Variants in ABHD12 observed in about 807,000 individuals in gnomAD.
ABHD12 encodes lysophosphatidylserine lipase ABHD12.
ABHD12 carries 43 observed loss-of-function variants against 58.3 expected under a neutral mutation model. The observed-to-expected ratio is 0.74, with a 90% CI of 0.58 to 0.95. ABHD12 has a LOEUF of 0.95. Among genes scored for constraint, ABHD12 ranks in the 40% least tolerant of loss-of-function variants. The pLI, the probability that ABHD12 is intolerant of heterozygous loss-of-function variation, is 0.00. For missense variants in ABHD12, 539 were observed against 537.2 expected, an observed-to-expected ratio of 1.00 and a Z score of -0.03; for synonymous variants, 219 against 211.2, an observed-to-expected ratio of 1.04 and a Z score of -0.32.
intron 2 of ABHD12, among the ~76,000 whole-genome samples, chr20:25,335,427 T>C (rs1229066781): frequency 6.7e-6 from 1 of 148,344 alleles, no homozygotes; most frequent in African/African-American, 2.5e-5. Context: ...GAACTAGAAA[T>C]ACCATTTGAC....
downstream of ABHD12, among the ~76,000 whole-genome samples, chr20:25,298,918 T>C (rs1568706250): frequency 1.3e-5 from 2 of 152,114 alleles, no homozygotes; most frequent in African/African-American, 4.8e-5. Context: ...GGCACCAAGG[T>C]GGTGCCCTGG....
intron 1 of ABHD12, among the ~76,000 whole-genome samples, chr20:25,380,465 AC>A (rs2090009652): frequency 6.6e-6 from 1 of 151,622 alleles, no homozygotes; most frequent in South Asian, 2.1e-4. Context: ...AAGAAAACTC[AC>A]CCCCTCCAGC....
chr20:25,373,491 G>A lies in ABHD12; in HGVS notation c.191+17022C>T, dbSNP rs574476797. Reference sequence around the variant, plus strand: ...GAATCCGGAAGATGAAGGTTGCAGTGAGCAGAGATTGTGCCACTGTGCTCC... The same window carrying A: ...GAATCCGGAAGATGAAGGTTGCAGTAAGCAGAGATTGTGCCACTGTGCTCC... On this transcript the variant is annotated intron_variant, in intron 1 of 12. Coordinates refer to ENST00000339157, the MANE Select transcript of ABHD12 (RefSeq NM_001042472.3). Among the ~76,000 whole-genome samples, 10 of 151,982 alleles carry A rather than the reference G, an allele frequency of 6.6e-5. No individual in the cohort carries two copies. In the East Asian group the frequency reaches 1.7e-3, roughly 26 times the overall value.
chr20:25,334,088 C>T (rs1205651587), intron 2 of ABHD12, among the ~76,000 whole-genome samples: 3 of 151,852 alleles, frequency 2.0e-5, no homozygotes, highest in Non-Finnish European at 4.4e-5. Flanking sequence ...TCTCCTTAAG[C>T]TGATAAGCAA....
chr20:25,309,332 G>T, intron 7 of ABHD12, 114 bp downstream of exon 7: 1 of 1,503,660 alleles, frequency 6.7e-7, no homozygotes, highest in Non-Finnish European at 9.2e-7. Context: ...GAGGCTGGTC[G>T]GGACTAATGG....
At chr20:25,302,130 A>G (rs2145916575) in intron 12 of ABHD12, 89 bp downstream of exon 12, 1 of 1,585,758 alleles carries the variant, frequency 6.3e-7, no homozygotes, top group Non-Finnish European at 8.6e-7. Context: ...AGGCCCCCTG[A>G]GCAGCTTCAG....
At chr20:25,298,059 G>A (rs1052347678), downstream of ABHD12, 6 of 152,348 alleles carry the variant, frequency 3.9e-5, no homozygotes, top group African/African-American at 1.4e-4. Context: ...GCAGGTGGTG[G>A]TATGAGACTG....
rs1244262313 is a variant in ABHD12 at position 25,323,420 on chromosome 20, G to C, written c.327C>G (p.Pro109=). 6.2e-7 allele frequency: 1 copy of C among 1,604,512 alleles called. No individual in the cohort carries two copies. The highest frequency in any genetic ancestry group is 1.1e-5 in the South Asian group (1 of 90,868). ...KLIFLNFVRV[P]YFIDLKKPQD... is the part of the protein sequence containing the mutation. ...GTGGTTTTTTCAAATCAATGAAATAGGGAACTCTTACTGTAGGAAATAAAG... is the reference window on the plus strand; with the variant it reads ...GTGGTTTTTTCAAATCAATGAAATACGGAACTCTTACTGTAGGAAATAAAG... Residue 109 remains proline, a synonymous_variant, in exon 3 of 13, where the codon CCC becomes CCG. Transcript: ENST00000339157.
chr20:25,389,632 T>C (rs1229477467), intron 1 of ABHD12, among the ~76,000 whole-genome samples: 6 of 152,134 alleles, frequency 3.9e-5, no homozygotes, highest in African/African-American at 7.2e-5. Context: ...CACGTTCCCA[T>C]CTCAGTTTTG....
At chr20:25,376,666 T>C (rs1463037222) in intron 1 of ABHD12, among the ~76,000 whole-genome samples, 2 of 152,242 alleles carry the variant, frequency 1.3e-5, no homozygotes, top group Non-Finnish European at 2.9e-5. Context: ...TGTATACTTA[T>C]GTGCTATCTT....
intron 1 of ABHD12, among the ~76,000 whole-genome samples, chr20:25,349,386 G>C (rs778466933): frequency 6.6e-6 from 1 of 152,060 alleles, no homozygotes; most frequent in African/African-American, 2.4e-5. Flanking sequence ...TCCACTCCTC[G>C]ATATATACTC....
chr20:25,324,750 G>T (rs995027593), intron 2 of ABHD12, among the ~76,000 whole-genome samples: 1 of 152,198 alleles, frequency 6.6e-6, no homozygotes, highest in African/African-American at 2.4e-5. Flanking sequence ...CAGACCATGT[G>T]GGGAGACAGT....
intron 2 of ABHD12, among the ~76,000 whole-genome samples, chr20:25,330,033 G>A (rs1437329842): frequency 2.0e-5 from 3 of 152,244 alleles, no homozygotes; most frequent in African/African-American, 4.8e-5. Context: ...GGTGATTTCT[G>A]CATTTCCATC....
chr20:25,330,235 C>T (rs1172575747), intron 2 of ABHD12, among the ~76,000 whole-genome samples: 2 of 152,218 alleles, frequency 1.3e-5, no homozygotes, highest in Non-Finnish European at 2.9e-5. Context: ...CACTCCCACC[C>T]GAATACTGTG....
intron 2 of ABHD12, among the ~76,000 whole-genome samples, chr20:25,338,189 C>A (rs1237947312): frequency 6.6e-6 from 1 of 152,116 alleles, no homozygotes; most frequent in Non-Finnish European, 1.5e-5. Context: ...CTCTCAGTAC[C>A]TCCTGTGTTC....
At chr20:25,329,330 C>T (rs574236403) in intron 2 of ABHD12, among the ~76,000 whole-genome samples, 7 of 152,310 alleles carry the variant, frequency 4.6e-5, no homozygotes, top group South Asian at 2.1e-4. Flanking sequence ...TCTTCTGAAC[C>T]GGGAGCTCCT....
chr20:25,320,545 C>T lies in ABHD12; in HGVS notation c.423-227G>A, dbSNP rs149584554. On this transcript the variant is annotated intron_variant, in intron 3 of 12. Transcript: ENST00000339157. ...GTGTGGATGGCACTGACAGCTTCAG[C>T]AGGAGCGTTCCCTGACTGGCAGGCC... Among the ~76,000 whole-genome samples, 38 of 152,364 alleles carry T rather than the reference C, an allele frequency of 2.5e-4. 1 individual carries two copies. The East Asian group carries it at 6.9e-3, about 28-fold the overall frequency.
intron 1 of ABHD12, among the ~76,000 whole-genome samples, chr20:25,343,232 G>A (rs1244611097): frequency 6.6e-6 from 1 of 152,172 alleles, no homozygotes; most frequent in Non-Finnish European, 1.5e-5. Context: ...TTCCAAAACA[G>A]AAATCACTGG....
chr20:25,387,866 C>G (rs1401762794), intron 1 of ABHD12, among the ~76,000 whole-genome samples: 1 of 151,886 alleles, frequency 6.6e-6, no homozygotes, highest in Non-Finnish European at 1.5e-5. Flanking sequence ...CATGGTGAAA[C>G]CCCGTCTCTA....
Sources: gnomAD v4.1 joint callset for allele counts (sites outside exome capture counted in the v4.1 genomes callset) on GRCh38, gnomAD v4.1.1 for gene constraint, MANE v1.5 for transcripts, NCBI Gene and HGNC (gene_info 2026-07-23, HGNC 2026-07-21) for gene names.